Variants in SASS6 observed in about 807,000 individuals in gnomAD.
The protein encoded by SASS6 is spindle assembly abnormal protein 6 homolog.
Under a neutral mutation model 94.9 loss-of-function variants are expected in SASS6, and 59 were observed. That is an observed-to-expected ratio of 0.62 (90% CI 0.50 to 0.77). The LOEUF (loss-of-function observed/expected upper bound fraction) is 0.77, where lower values mean the gene tolerates loss of function less well. Among genes scored for constraint, SASS6 ranks in the 30% least tolerant of loss-of-function variants. The pLI is 0.00. For synonymous variants in SASS6, 264 were observed against 270.0 expected (o/e 0.98, Z 0.22); for missense variants, 698 against 734.1 (o/e 0.95, Z 0.57).
chr1:100,102,692 AAAG>A (rs1489423628), intron 14 of SASS6, among the ~76,000 whole-genome samples: 41 of 151,956 alleles, frequency 2.7e-4, no homozygotes, highest in African/African-American at 9.9e-4. Context: ...AAAAAAAAAA[AAAG>A]GAGAGGTTGA....
chr1:100,116,211 A>C (rs1305696079), intron 7 of SASS6, among the ~76,000 whole-genome samples: 1 of 152,216 alleles, frequency 6.6e-6, no homozygotes, highest in Non-Finnish European at 1.5e-5. Context: ...GTGAAAAGGC[A>C]AGCTATAGAC....
intron 4 of SASS6, 138 bp from the exon 5 acceptor site, chr1:100,121,687 C>CA (rs1393384081): frequency 5.5e-6 from 3 of 541,338 alleles, no homozygotes; most frequent in African/African-American, 4.0e-5. Context: ...ATAAATTGGG[C>CA]AAAAAAAAGA....
At chr1:100,113,452 C>CA (rs563557003) in intron 7 of SASS6, among the ~76,000 whole-genome samples, 11 of 151,150 alleles carry the variant, frequency 7.3e-5, no homozygotes, top group South Asian at 4.2e-4. Flanking sequence ...ACTAAAAAGA[C>CA]AAAAAAAAGT....
intron 14 of SASS6, among the ~76,000 whole-genome samples, chr1:100,101,646 G>T (rs529747091): frequency 6.6e-6 from 1 of 152,010 alleles, no homozygotes; most frequent in Admixed American, 6.6e-5. Flanking sequence ...AAGATACAAC[G>T]ACACTTGAGT....
chr1:100,123,327 G>C (rs756155140), intron 2 of SASS6, 38 bp from the exon 3 acceptor site: 1 of 987,342 alleles, frequency 1.0e-6, no homozygotes, highest in Non-Finnish European at 1.6e-6. Flanking sequence ...GTTTTTACTA[G>C]ATCTGGCCTT....
chr1:100,098,333 A>G lies in SASS6; in HGVS notation c.1674+4622T>C, dbSNP rs2101650673. On this transcript the variant is annotated intron_variant, in intron 14 of 16. Coordinates refer to ENST00000287482, the MANE Select transcript of SASS6 (RefSeq NM_194292.3). ...GTAGTCTCAGCTACTCAGGAGGCTGAGCCAGGAGGATCAGGTGAGCCCAGA... is the reference window on the plus strand; with the variant it reads ...GTAGTCTCAGCTACTCAGGAGGCTGGGCCAGGAGGATCAGGTGAGCCCAGA... Among the ~76,000 whole-genome samples, 3 of 152,284 alleles carry G rather than the reference A, an allele frequency of 2.0e-5. 1 individual carries two copies. The highest frequency in any genetic ancestry group is 6.8e-3 in the Middle Eastern group (2 of 294).
intron 7 of SASS6, among the ~76,000 whole-genome samples, chr1:100,115,527 T>C (rs1469557316): frequency 6.6e-6 from 1 of 152,126 alleles, no homozygotes; most frequent in Non-Finnish European, 1.5e-5. Flanking sequence ...TAAAGAAATT[T>C]AGTATGTGAT....
chr1:100,091,847 T>G (rs1169864744), intron 14 of SASS6, among the ~76,000 whole-genome samples: 1 of 150,586 alleles, frequency 6.6e-6, no homozygotes, highest in East Asian at 1.9e-4. Context: ...ATTCATGTCT[T>G]TTGAGTCCTA....
intron 1 of SASS6, among the ~76,000 whole-genome samples, chr1:100,132,065 T>C (rs1655080152): frequency 6.6e-6 from 1 of 152,252 alleles, no homozygotes; most frequent in Non-Finnish European, 1.5e-5. Flanking sequence ...GTTGCACTTC[T>C]CTGTGCGACT....
intron 15 of SASS6, among the ~76,000 whole-genome samples, chr1:100,086,707 G>GC (rs1651308736): frequency 6.6e-6 from 1 of 151,462 alleles, no homozygotes; most frequent in Admixed American, 6.6e-5. Flanking sequence ...TTGAGGCAGG[G>GC]CCCCACTCTA....
chr1:100,110,568 T>G (rs962159585), intron 7 of SASS6, 85 bp from the exon 8 acceptor site: 4 of 662,800 alleles, frequency 6.0e-6, no homozygotes, highest in Non-Finnish European at 9.3e-6. Context: ...AAAAAAAAAT[T>G]GTAATTTCTT....
chr1:100,096,378 C>A (rs1256967977), intron 14 of SASS6, among the ~76,000 whole-genome samples: 1 of 152,120 alleles, frequency 6.6e-6, no homozygotes. Flanking sequence ...GCCATGCACA[C>A]AAATTATTTC....
chr1:100,096,872 T>G (rs930548855), intron 14 of SASS6, among the ~76,000 whole-genome samples: 1 of 152,158 alleles, frequency 6.6e-6, no homozygotes, highest in Non-Finnish European at 1.5e-5. Flanking sequence ...TCCCAGCACT[T>G]TGAGAGGCCG....
intron 14 of SASS6, among the ~76,000 whole-genome samples, chr1:100,093,071 G>C (rs1651852363): frequency 6.6e-6 from 1 of 151,082 alleles, no homozygotes; most frequent in African/African-American, 2.4e-5. Flanking sequence ...ACTACGAAAA[G>C]TATGTATATT....
chr1:100,086,254 CTTAAAA>C (rs1435426526), intron 15 of SASS6, among the ~76,000 whole-genome samples: 1 of 152,022 alleles, frequency 6.6e-6, no homozygotes, highest in Non-Finnish European at 1.5e-5. Flanking sequence ...TAAATCAATC[CTTAAAA>C]TTAAATGATG....
At chr1:100,129,712 T>C (rs1570715050) in intron 1 of SASS6, among the ~76,000 whole-genome samples, 1 of 152,312 alleles carries the variant, frequency 6.6e-6, no homozygotes, top group Non-Finnish European at 1.5e-5. Flanking sequence ...GGTAATAGTA[T>C]AGAATGAGTA....
chr1:100,089,523 A>C (rs1651529039), intron 14 of SASS6, among the ~76,000 whole-genome samples: 1 of 152,164 alleles, frequency 6.6e-6, no homozygotes, highest in African/African-American at 2.4e-5. Context: ...ACTTTATATA[A>C]AGGAAACATT....
intron 7 of SASS6, among the ~76,000 whole-genome samples, chr1:100,112,837 C>G (rs1030518374): frequency 2.6e-5 from 4 of 152,144 alleles, no homozygotes; most frequent in African/African-American, 9.7e-5. Context: ...GGACTCCACC[C>G]CCGACTAACT....
chr1:100,125,415 T>C (rs1006737555), intron 2 of SASS6, among the ~76,000 whole-genome samples: 4 of 151,698 alleles, frequency 2.6e-5, no homozygotes, highest in African/African-American at 9.7e-5. Flanking sequence ...GCACAGTGGT[T>C]CAAGCCTGTA....
Sources: gnomAD v4.1 joint callset for allele counts (sites outside exome capture counted in the v4.1 genomes callset) on GRCh38, gnomAD v4.1.1 for gene constraint, MANE v1.5 for transcripts, NCBI Gene and HGNC (gene_info 2026-07-23, HGNC 2026-07-21) for gene names.